Variants in TRPM4 observed in about 807,000 individuals in gnomAD.
The protein encoded by TRPM4 is calcium-activated non-selective cation channel 1.
A neutral mutation model predicts 135.6 loss-of-function variants in TRPM4; 124 were observed. The observed-to-expected ratio is 0.91, with a 90% CI of 0.79 to 1.06. TRPM4 has a LOEUF of 1.06. Among genes scored for constraint, TRPM4 ranks in the 50% least tolerant of loss-of-function variants. The pLI is 0.00. For missense variants in TRPM4, 1,658 were observed against 1,671.4 expected, an observed-to-expected ratio of 0.99 and a Z score of 0.14; for synonymous variants, 745 against 705.6, an observed-to-expected ratio of 1.06 and a Z score of -0.88.
chr19:49,173,841 T>A (rs575233776), intron 9 of TRPM4, among the ~76,000 whole-genome samples: 4 of 150,210 alleles, frequency 2.7e-5, no homozygotes, highest in Admixed American at 6.6e-5. Context: ...AAAAAAAAAA[T>A]TTTTTTTTTG....
intron 20 of TRPM4, among the ~76,000 whole-genome samples, chr19:49,209,171 C>G (rs1969259249): frequency 6.6e-6 from 1 of 152,028 alleles, no homozygotes; most frequent in African/African-American, 2.4e-5. Context: ...ATTAGATTTG[C>G]TTGTATTTTT....
chr19:49,163,828 G>T (rs1356911631), intron 2 of TRPM4, among the ~76,000 whole-genome samples: 11 of 152,194 alleles, frequency 7.2e-5, no homozygotes, highest in Admixed American at 7.2e-4. Context: ...AGTAGCTGCA[G>T]GTGTTGGAAG....
At position 49,211,181 on chromosome 19, in the gene TRPM4, C is replaced by T. The variant is rs746239343; in HGVS notation, c.3552C>T (p.Arg1184=). 7 of 1,604,784 alleles carry T rather than the reference C, an allele frequency of 4.4e-6. No individual in the cohort carries two copies. The highest frequency in any genetic ancestry group is 1.6e-4 in the Middle Eastern group (1 of 6,070). The change falls in exon 24 of 25, where the codon CGC becomes CGT. Residue 1184 remains arginine, a synonymous_variant. Transcript: ENST00000252826. The surrounding 1 kb of genome is among the most constrained non-coding windows in gnomAD (Gnocchi z 4.8). The stretch of plus-strand genomic sequence containing the variant: ...TTCCGCAGGTCCAGCAGTGTAGCCG[C>T]GTCCTGGGGTGGGTGGCCGAGGCCC... ...VLEREVQQCS[R]VLGWVAEALS... is the part of the protein sequence containing the mutation.
chr19:49,160,455 G>A (rs1966917697), intron 2 of TRPM4, among the ~76,000 whole-genome samples: 1 of 147,928 alleles, frequency 6.8e-6, no homozygotes, highest in African/African-American at 2.5e-5. Context: ...CTGCACTCCA[G>A]CCTGGGTGAC....
chr19:49,200,476 G>T (rs1196329527), intron 18 of TRPM4, 44 bp downstream of exon 18: 1 of 1,600,850 alleles, frequency 6.2e-7, no homozygotes, highest in East Asian at 2.2e-5. Flanking sequence ...CATAGGGAAA[G>T]GGGTGGGGCC....
At chr19:49,170,246 T>C (rs865797667) in intron 6 of TRPM4, among the ~76,000 whole-genome samples, 1 of 152,168 alleles carries the variant, frequency 6.6e-6, no homozygotes, top group African/African-American at 2.4e-5. Flanking sequence ...TGGAGTGCAG[T>C]GGCGTGATCT....
At chr19:49,197,334 TTCTTTC>T (rs1182243987) in intron 17 of TRPM4, among the ~76,000 whole-genome samples, 20 of 130,134 alleles carry the variant, frequency 1.5e-4, no homozygotes, top group African/African-American at 8.0e-4. Flanking sequence ...CTTTCTTTCT[TTCTTTC>T]TTTCTTTCTT....
intron 12 of TRPM4, among the ~76,000 whole-genome samples, chr19:49,183,682 C>A (rs1024812788): frequency 1.3e-5 from 2 of 152,086 alleles, no homozygotes; most frequent in African/African-American, 4.8e-5. Context: ...GGATTACAGG[C>A]ATGTGCCACC....
In TRPM4 at chr19:49,211,811, G is replaced by A. The variant is rs1969381425; in HGVS notation, c.*313G>A. 2 of 495,926 alleles carry A rather than the reference G, an allele frequency of 4.0e-6. No homozygotes were observed. Among genetic ancestry groups the A allele is most frequent in the Non-Finnish European group, 7.3e-6 (2 of 274,088 alleles). 30.7% of individuals were successfully genotyped at this position (495,926 alleles called of 1,614,324 possible). A position where few individuals can be genotyped will look rare whatever the true frequency, so the allele number is the denominator to read the frequency against. On this transcript the variant is annotated 3_prime_UTR_variant, in exon 25 of 25. Transcript: ENST00000252826. This position sits in a 1 kb window ranked among gnomAD's most constrained non-coding sequence, Gnocchi z 4.8. ...TCACCACTCACAGATTCCTCACACT[G>A]GGGAAATAAAGCCATTTCAGAGGAA...
chr19:49,211,149 C>G lies in TRPM4; in HGVS notation c.3535-15C>G, dbSNP rs1969352105. The G allele has an allele frequency of 1.2e-6, 2 of 1,608,164 alleles. No individual in the cohort carries two copies. The highest frequency in any genetic ancestry group is 1.7e-6 in the Non-Finnish European group (2 of 1,177,682). ...GGGTCCCATCTCCCGCTCTGACATT[C>G]CTCCCATTCCGCAGGTCCAGCAGTG... On this transcript the variant is annotated splice_polypyrimidine_tract_variant and intron_variant, in intron 23 of 24. Coordinates refer to ENST00000252826, the MANE Select transcript of TRPM4 (RefSeq NM_017636.4). This position sits in a 1 kb window ranked among gnomAD's most constrained non-coding sequence, Gnocchi z 4.8.
chr19:49,182,304 C>G (rs1967989986), intron 10 of TRPM4, among the ~76,000 whole-genome samples: 2 of 149,678 alleles, frequency 1.3e-5, no homozygotes, highest in African/African-American at 2.5e-5. Flanking sequence ...GTTCATCCAT[C>G]CATCCCTCTG....
In TRPM4 at chr19:49,196,541, G is replaced by T. The variant is rs1236285329; in HGVS notation, c.2312G>T (p.Arg771Leu). ...TGCGGGGGGCGCCGGTGCCTACGCC[G>T]CTGGTTCCACTTCTGGGGCGCGCCG... Reference protein sequence around the residue: ...GRCGGRRCLRRWFHFWGAPVT... With the variant: ...GRCGGRRCLRLWFHFWGAPVT... Residue 771 changes from arginine (R) to leucine (L), a missense_variant, in exon 17 of 25, where the codon CGC becomes CTC. Transcript: ENST00000252826. 3 of 1,554,658 alleles carry T rather than the reference G, an allele frequency of 1.9e-6. No homozygotes were observed. Among genetic ancestry groups the T allele is most frequent in the South Asian group, 1.2e-5 (1 of 84,834 alleles).
chr19:49,202,945 C>T (rs1486908518), intron 20 of TRPM4, among the ~76,000 whole-genome samples: 3 of 144,694 alleles, frequency 2.1e-5, no homozygotes, highest in African/African-American at 5.2e-5. Flanking sequence ...TGCAGTGGCA[C>T]GATCTCACAA....
intron 9 of TRPM4, among the ~76,000 whole-genome samples, chr19:49,180,978 G>T (rs992584678): frequency 1.3e-4 from 20 of 152,052 alleles, no homozygotes; most frequent in Non-Finnish European, 2.4e-4. Flanking sequence ...CACCCTGAGG[G>T]TAGTTATGTG....
intron 10 of TRPM4, among the ~76,000 whole-genome samples, chr19:49,182,188 CCATA>C (rs2122925642): frequency 6.9e-6 from 1 of 144,282 alleles, no homozygotes; most frequent in Non-Finnish European, 1.5e-5. Context: ...ATCCATTCAT[CCATA>C]CATCCATCCA....
intron 16 of TRPM4, 103 bp from the exon 17 acceptor site, chr19:49,196,337 C>A: frequency 9.0e-7 from 1 of 1,109,854 alleles, no homozygotes; most frequent in Non-Finnish European, 1.2e-6. Flanking sequence ...AGTTTCGGGT[C>A]AGGCAGGGTG....
At chr19:49,161,266 T>TTGTG (rs373514139) in intron 2 of TRPM4, among the ~76,000 whole-genome samples, 1 of 150,724 alleles carries the variant, frequency 6.6e-6, no homozygotes, top group Non-Finnish European at 1.5e-5. Context: ...GTGCGTGTGT[T>TTGTG]TGTGTGTGTG....
chr19:49,190,801 G>T (rs761024360), intron 16 of TRPM4, 28 bp downstream of exon 16: 1 of 1,608,228 alleles, frequency 6.2e-7, no homozygotes, highest in South Asian at 1.1e-5. Flanking sequence ...CACTGTGTGA[G>T]GTGGGGACAC....
chr19:49,182,314 GTCCA>G (rs1276100249), intron 10 of TRPM4, among the ~76,000 whole-genome samples: 1 of 86,312 alleles, frequency 1.2e-5, no homozygotes. Context: ...CCATCCCTCT[GTCCA>G]TCCATCCATC....
Sources: allele counts gnomAD v4.1 joint callset (sites outside exome capture counted in the v4.1 genomes callset), GRCh38; gene constraint gnomAD v4.1.1; non-coding constraint Gnocchi (gnomAD v3.1); transcripts MANE v1.5; gene names NCBI Gene and HGNC (gene_info 2026-07-23, HGNC 2026-07-21).